The following KCNH2 variants were observed in gnomAD, a reference collection of about 807,000 sequenced individuals.
KCNH2 encodes voltage-gated inwardly rectifying potassium channel KCNH2.
In KCNH2, 35 loss-of-function variants were observed where a neutral mutation model predicts 95.9. The observed-to-expected ratio is 0.37, with a 90% CI of 0.28 to 0.48. The LOEUF is 0.48. Ranked by LOEUF, KCNH2 falls within the 20% of genes least tolerant of loss-of-function variation. The pLI, the probability that KCNH2 is intolerant of heterozygous loss-of-function variation, is 0.99. For missense variants in KCNH2, 1,274 were observed against 1,702.9 expected (o/e 0.75, Z 4.43); for synonymous variants, 786 against 754.7 (o/e 1.04, Z -0.68).
chr7:150,958,367 G>A lies in KCNH2; in HGVS notation c.608C>T (p.Ala203Val). The change falls in exon 4 of 15, where the codon GCG becomes GTG. Residue 203 changes from alanine (A) to valine (V), a missense_variant. Coordinates refer to ENST00000262186, the MANE Select transcript of KCNH2 (RefSeq NM_000238.4). ...AVVVDVDLTP[A>V]APSSESLALD... ...GGCCAGCGACTCGCTGCTGGGTGCC[G>A]CGGGCGTCAGGTCCACGTCCACCAC... 3.4e-6 allele frequency: 5 copies of A among 1,481,116 alleles called. No homozygotes were observed. Among genetic ancestry groups the A allele is most frequent in the Non-Finnish European group, 4.5e-6 (5 of 1,122,960 alleles). 91.7% of individuals were successfully genotyped at this position (1,481,116 alleles called of 1,614,324 possible). A position where few individuals can be genotyped will look rare whatever the true frequency, so the allele number is the denominator to read the frequency against.
chr7:150,948,279 T>G (rs903058910), intron 11 of KCNH2, among the ~76,000 whole-genome samples, 165 bp downstream of exon 11: 2 of 152,108 alleles, frequency 1.3e-5, no homozygotes, highest in African/African-American at 4.8e-5. Flanking sequence ...GCAGGGGCCC[T>G]GAAAGATGGG....
chr7:150,958,469 GC>G lies in KCNH2; in HGVS notation c.505del (p.Ala169ArgfsTer5). 1 of 1,467,520 alleles carries G rather than the reference GC, an allele frequency of 6.8e-7. No homozygotes were observed. The highest frequency in any genetic ancestry group is 9.0e-7 in the Non-Finnish European group (1 of 1,115,720). 90.9% of individuals were successfully genotyped at this position (1,467,520 alleles called of 1,614,324 possible). On this transcript the variant is annotated frameshift_variant, in exon 4 of 15. Coordinates refer to ENST00000262186, the MANE Select transcript of KCNH2 (RefSeq NM_000238.4). LOFTEE classifies it high-confidence loss of function. ...CTCCCGGGCCGTCAGCGCCAGCAGC[GC>G]GGGCAGCTTCAGGCGGAAGGTCTTG... ...RAKTFRLKLP[A>X]LLALTARESS... is the part of the protein sequence containing the mutation.
At chr7:150,968,749 G>T (rs2117043684) in intron 2 of KCNH2, among the ~76,000 whole-genome samples, 1 of 152,256 alleles carries the variant, frequency 6.6e-6, no homozygotes, top group African/African-American at 2.4e-5. Context: ...GCCAGCAGCA[G>T]CCTGCAGGGA....
intron 2 of KCNH2, among the ~76,000 whole-genome samples, chr7:150,973,283 TGACA>T (rs1464818816): frequency 5.9e-5 from 9 of 152,228 alleles, no homozygotes; most frequent in African/African-American, 2.2e-4. Context: ...TTTCAATATA[TGACA>T]GACAGAACAG....
chr7:150,961,882 G>A lies in KCNH2; in HGVS notation c.308-2146C>T, dbSNP rs549138561. ...GGCTCGGGGATTCTAACCCGCTGGG[G>A]ATTCATCTAGGGGAACGAGGTCTTC... On this transcript the variant is annotated intron_variant, in intron 2 of 14. Coordinates refer to ENST00000262186, the MANE Select transcript of KCNH2 (RefSeq NM_000238.4). The surrounding 1 kb of genome is among the most constrained non-coding windows in gnomAD (Gnocchi z 6.2). 6.6e-6 allele frequency among the ~76,000 whole-genome samples: 1 copy of A among 152,290 alleles called. No individual in the cohort carries two copies. Among genetic ancestry groups the A allele is most frequent in the East Asian group, 1.9e-4 (1 of 5,180 alleles).
chr7:150,974,483 T>A (rs983733287), intron 2 of KCNH2, among the ~76,000 whole-genome samples: 1 of 152,086 alleles, frequency 6.6e-6, no homozygotes, highest in South Asian at 2.1e-4. Context: ...TCCTTTGCCC[T>A]CCTGAAAACC....
At chr7:150,959,835 T>G in intron 2 of KCNH2, 99 bp from the exon 3 acceptor site, 1 of 1,353,738 alleles carries the variant, frequency 7.4e-7, no homozygotes, top group South Asian at 1.2e-5. Flanking sequence ...GCCCGTCCAC[T>G]TCTGCCTCCC....
At position 150,952,044 on chromosome 7, in the gene KCNH2, G is replaced by T. The variant is rs548818145; in HGVS notation, c.1558-209C>A. Among the ~76,000 whole-genome samples, 9 of 152,304 alleles carry T rather than the reference G, an allele frequency of 5.9e-5. No individual in the cohort carries two copies. The East Asian group carries it at 1.7e-3, about 29-fold the overall frequency. ...CTTTGGGACAGAGGCAGCCCCCATA[G>T]TGTGGATGAGGAAACAGGGGCACTG... On this transcript the variant is annotated intron_variant, in intron 6 of 14. Coordinates refer to ENST00000262186, the MANE Select transcript of KCNH2 (RefSeq NM_000238.4). The surrounding 1 kb of genome is among the most constrained non-coding windows in gnomAD (Gnocchi z 7.3).
intron 11 of KCNH2, 67 bp downstream of exon 11, chr7:150,948,377 C>A (rs1800996805): frequency 1.5e-6 from 2 of 1,322,710 alleles, no homozygotes; most frequent in Non-Finnish European, 2.1e-6. Flanking sequence ...ACACGGCCCA[C>A]CCCGCCTTCC....
At chr7:150,977,701 A>T in intron 1 of KCNH2, 137 bp downstream of exon 1, 1 of 357,124 alleles carries the variant, frequency 2.8e-6, no homozygotes, top group Non-Finnish European at 4.3e-6. Context: ...TCCCCTCGCC[A>T]AAGCCTGGGG....
intron 5 of KCNH2, among the ~76,000 whole-genome samples, chr7:150,953,259 C>A (rs1266713117): frequency 6.6e-6 from 1 of 152,234 alleles, no homozygotes; most frequent in East Asian, 1.9e-4. Context: ...AGCTCCCAAC[C>A]TGGGCAGTGG....
Position 150,947,023 on chromosome 7 carries a change from T to G in KCNH2, c.3184A>C (p.Thr1062Pro), listed in dbSNP as rs1446988373. The G allele has an allele frequency of 6.2e-7, 1 of 1,604,998 alleles. No individual in the cohort carries two copies. Residue 1062 changes from threonine to proline, a missense_variant, in exon 14 of 15, where the codon ACT becomes CCT. This residue lies in a region of KCNH2 where 457 missense variants were observed against 416.1 expected (regional missense o/e 1.10). Coordinates refer to ENST00000262186, the MANE Select transcript of KCNH2 (RefSeq NM_000238.4). ...LETRLSADMA[T>P]VLQLLQRQMT... ...TGCCTCTGTAGCAGCTGCAGGACAG[T>G]GGCCATGTCTGCACTCAGCCGGGTC... is the stretch of plus-strand genomic sequence containing the variant.
chr7:150,945,242 G>A lies in KCNH2; in HGVS notation c.*123C>T. On this transcript the variant is annotated 3_prime_UTR_variant, in exon 15 of 15. Coordinates refer to ENST00000262186, the MANE Select transcript of KCNH2 (RefSeq NM_000238.4). This position sits in a 1 kb window ranked among gnomAD's most constrained non-coding sequence, Gnocchi z 5.6. ...GATGGTCCCAAGGGCTGGGGGAGGAGCTGTGCTTTCGAGTTCCTCTCCCCT... is the reference window on the plus strand; with the variant it reads ...GATGGTCCCAAGGGCTGGGGGAGGAACTGTGCTTTCGAGTTCCTCTCCCCT... 9.1e-7 allele frequency: 1 copy of A among 1,093,684 alleles called. No homozygotes were observed. Among genetic ancestry groups the A allele is most frequent in the Non-Finnish European group, 1.3e-6 (1 of 775,446 alleles). 67.7% of individuals were successfully genotyped at this position (1,093,684 alleles called of 1,614,324 possible).
rs964297240 is a variant in KCNH2, at chr7:150,946,502, G to C, written c.3330+375C>G. 3.3e-5 allele frequency among the ~76,000 whole-genome samples: 5 copies of C among 152,206 alleles called. No individual in the cohort carries two copies. The highest frequency in any genetic ancestry group is 7.3e-5 in the Non-Finnish European group (5 of 68,030). On this transcript the variant is annotated intron_variant, in intron 14 of 14. Transcript: ENST00000262186. The surrounding 1 kb of genome is among the most constrained non-coding windows in gnomAD (Gnocchi z 6.5). ...TGCAGCCTCCACCGCCACGTCTCGG[G>C]CTCAGTCAGTTCTTGGAGACCACCC...
chr7:150,971,700 G>C (rs1318047637), intron 2 of KCNH2, among the ~76,000 whole-genome samples: 6 of 151,904 alleles, frequency 3.9e-5, no homozygotes, highest in African/African-American at 9.7e-5. Context: ...AAGGGACAGA[G>C]AGTAAGCCAG....
At position 150,947,390 on chromosome 7, in the gene KCNH2, C is replaced by G. The variant is rs778604642; in HGVS notation, c.3090G>C (p.Pro1030=). The G allele has an allele frequency of 3.0e-5, 46 of 1,521,836 alleles. 1 individual carries two copies. The South Asian group carries it at 5.3e-4, about 17-fold the overall frequency. 94.3% of individuals were successfully genotyped at this position (1,521,836 alleles called of 1,614,324 possible). A position where few individuals can be genotyped will look rare whatever the true frequency, so the allele number is the denominator to read the frequency against. ...PSLLNIPLSS[P]GRRPRGDVES... ...CCACGTCGCCCCGGGGCCGCCGACC[C>G]GGGCTGGAGAGGGGGATGTTGAGGA... is the stretch of plus-strand genomic sequence containing the variant. The change falls in exon 13 of 15, where the codon CCG becomes CCC. Residue 1030 remains proline, a synonymous_variant. Transcript: ENST00000262186.
intron 9 of KCNH2, chr7:150,949,408 ATTT>A (rs1035990140): frequency 0.041 from 15,140 of 370,222 alleles, no homozygotes; most frequent in South Asian, 0.061. Flanking sequence ...CAAAACCAGC[ATTT>A]TTTTTTTTTT....
intron 5 of KCNH2, 98 bp downstream of exon 5, chr7:150,957,192 TG>T: frequency 9.8e-7 from 1 of 1,024,102 alleles, no homozygotes. Context: ...AGGCCCTCAC[TG>T]GCTAGCCCCC....
rs2117011686 is a variant in KCNH2 at position 150,959,618 on chromosome 7, A to G, written c.426T>C (p.Ala142=). The change falls in exon 3 of 15, where the codon GCT becomes GCC. Residue 142 remains alanine (A), a synonymous_variant. Coordinates refer to ENST00000262186, the MANE Select transcript of KCNH2 (RefSeq NM_000238.4). The part of the protein sequence containing the change: ...VMEKDMVGSP[A]HDTNHRGPPT... ...GGGGGCCCCGGTGGTTGGTGTCATG[A>G]GCCGGGGACCCCACCATGTCCTTCT... 1 of 1,614,124 alleles carries G rather than the reference A, an allele frequency of 6.2e-7. No individual in the cohort carries two copies.
Sources: gnomAD v4.1 joint callset for allele counts (sites outside exome capture counted in the v4.1 genomes callset) on GRCh38, gnomAD v4.1.1 for gene constraint, gnomAD v4.1.1 regional missense constraint, Gnocchi (gnomAD v3.1) non-coding constraint, MANE v1.5 for transcripts, NCBI Gene and HGNC (gene_info 2026-07-23, HGNC 2026-07-21) for gene names.